The following PCDHA3 variants were observed in gnomAD, a reference collection of about 807,000 sequenced individuals.
The protein encoded by PCDHA3 is protocadherin alpha-3.
In PCDHA3, 41 loss-of-function variants were observed where a neutral mutation model predicts 62.2. The ratio of observed to expected loss-of-function variants is 0.66; its 90% CI spans 0.51 to 0.86. The LOEUF (loss-of-function observed/expected upper bound fraction) is 0.86. Ranked by LOEUF, PCDHA3 falls within the 40% of genes least tolerant of loss-of-function variation. The probability of loss-of-function intolerance (pLI) is 0.00; values close to 1 mark genes in which losing one functional copy is unlikely to be tolerated. For synonymous variants in PCDHA3, 640 were observed against 555.4 expected (o/e 1.15, Z -2.14); for missense variants, 1,304 against 1,241.2 (o/e 1.05, Z -0.76).
chr5:140,882,779 C>G (rs1554175579), intron 1 of PCDHA3: 2 of 1,614,168 alleles, frequency 1.2e-6, no homozygotes, highest in Non-Finnish European at 8.5e-7. Context: ...ATTGACCTAC[C>G]GACTGGATCC....
intron 3 of PCDHA3, among the ~76,000 whole-genome samples, chr5:141,000,680 T>C (rs953789526): frequency 1.3e-5 from 2 of 151,376 alleles, no homozygotes; most frequent in African/African-American, 2.4e-5. Flanking sequence ...CACCTGCCTC[T>C]GCCTCCCAAA....
At chr5:140,881,340 C>T (rs782406068) in intron 1 of PCDHA3, 10 of 984,934 alleles carry the variant, frequency 1.0e-5, no homozygotes, top group African/African-American at 5.2e-5. Context: ...GACGCCGATT[C>T]GGGCTACAAT....
chr5:140,876,062 G>C, intron 1 of PCDHA3: 1 of 1,613,842 alleles, frequency 6.2e-7, no homozygotes, highest in South Asian at 1.1e-5. Flanking sequence ...TTAGTTCTTC[G>C]GAAGTTATTG....
intron 1 of PCDHA3, among the ~76,000 whole-genome samples, chr5:140,957,708 T>TA (rs1330263414): frequency 6.6e-6 from 1 of 152,124 alleles, no homozygotes; most frequent in Non-Finnish European, 1.5e-5. Context: ...ATGTAGTTTT[T>TA]ATTAAGAAAG....
intron 1 of PCDHA3, among the ~76,000 whole-genome samples, chr5:140,947,889 A>G (rs1275614644): frequency 1.3e-5 from 2 of 151,626 alleles, no homozygotes; most frequent in Non-Finnish European, 3.0e-5. Flanking sequence ...CAATATAAAC[A>G]GAAGTGGTGA....
chr5:140,843,164 G>T, intron 1 of PCDHA3: 1 of 1,596,104 alleles, frequency 6.3e-7, no homozygotes. Flanking sequence ...GCAGCCAGCT[G>T]CAAGCAGCCC....
At chr5:140,976,688 G>T (rs1343503965) in intron 1 of PCDHA3, among the ~76,000 whole-genome samples, 2 of 152,118 alleles carry the variant, frequency 1.3e-5, no homozygotes, top group East Asian at 3.8e-4. Context: ...TGCAATTTAA[G>T]TACAATAATG....
At chr5:140,972,749 C>T (rs6899060) in intron 1 of PCDHA3, among the ~76,000 whole-genome samples, 3,772 of 151,356 alleles carry the variant, frequency 0.025, 151 homozygotes, top group African/African-American at 0.085. Flanking sequence ...CTGCAACCTC[C>T]GCCTCCCAAG....
chr5:140,847,059 G>A (rs1780837481), intron 1 of PCDHA3, among the ~76,000 whole-genome samples: 1 of 149,712 alleles, frequency 6.7e-6, no homozygotes, highest in East Asian at 1.9e-4. Context: ...GACACAGAAA[G>A]CATCAATATG....
intron 1 of PCDHA3, among the ~76,000 whole-genome samples, chr5:140,846,899 G>C (rs1467699891): frequency 6.7e-6 from 1 of 149,660 alleles, no homozygotes; most frequent in Admixed American, 6.7e-5. Context: ...CGTTGAAGTT[G>C]AAAGACAATC....
At chr5:140,826,837 T>C (rs1581838088) in intron 1 of PCDHA3, among the ~76,000 whole-genome samples, 1 of 152,182 alleles carries the variant, frequency 6.6e-6, no homozygotes, top group East Asian at 1.9e-4. Context: ...TAGAAGTTTC[T>C]CAAGTGTCTT....
rs183711966 is a variant in PCDHA3 at position 140,861,816 on chromosome 5, C to G, written c.2394+58225C>G. 643 of 159,770 alleles carry G rather than the reference C, an allele frequency of 4.0e-3. 2 individuals carry two copies. The highest frequency in any genetic ancestry group is 5.6e-3 in the Non-Finnish European group (413 of 73,346). 9.9% of individuals were successfully genotyped at this position (159,770 alleles called of 1,614,324 possible). A position where few individuals can be genotyped will look rare whatever the true frequency, so the allele number is the denominator to read the frequency against. On this transcript the variant is annotated intron_variant, in intron 1 of 3. Coordinates refer to ENST00000522353, the MANE Select transcript of PCDHA3 (RefSeq NM_018906.3). ...TGAAGGTGTATTTTAAAAATTCTTT[C>G]AGATAGGTAAGTCACTTCAGAGCTA...
At position 140,856,759 on chromosome 5, in the gene PCDHA3, C is replaced by A. The variant is rs148775418; in HGVS notation, c.2394+53168C>A. The stretch of plus-strand genomic sequence containing the variant: ...TCCTGGTGTTAGATGCCAATGATAA[C>A]GCCCCTATCTTTGACAGACCGGTTT... On this transcript the variant is annotated intron_variant, in intron 1 of 3. Transcript: ENST00000522353. 2.5e-6 allele frequency: 4 copies of A among 1,596,386 alleles called. 1 individual carries two copies. The highest frequency in any genetic ancestry group is 1.7e-4 in the Middle Eastern group (1 of 5,998).
In PCDHA3 at chr5:140,929,128, A is replaced by G. The variant is rs142487298; in HGVS notation, c.2395-49821A>G. On this transcript the variant is annotated intron_variant, in intron 1 of 3. Transcript: ENST00000522353. Reference sequence around the variant, plus strand: ...GACATCAGCCACCATAGATGTCACTACAGTTGAGAGACTTTCTCAGACTTA... The same window carrying G: ...GACATCAGCCACCATAGATGTCACTGCAGTTGAGAGACTTTCTCAGACTTA... The G allele has an allele frequency of 8.1e-6, 13 of 1,614,054 alleles. No individual in the cohort carries two copies. In the African/African-American group the frequency reaches 1.5e-4, roughly 18 times the overall value.
chr5:140,823,176 C>T (rs782525887), intron 1 of PCDHA3: 17 of 1,613,818 alleles, frequency 1.1e-5, no homozygotes, highest in Non-Finnish European at 1.4e-5. Context: ...AGGAGAACAA[C>T]CCGCCAGGCT....
intron 3 of PCDHA3, among the ~76,000 whole-genome samples, chr5:140,994,117 G>C (rs889813029): frequency 6.6e-6 from 1 of 152,198 alleles, no homozygotes; most frequent in Non-Finnish European, 1.5e-5. Flanking sequence ...ATTGTCATGT[G>C]ATAAGGGCGA....
chr5:140,869,384 A>G, intron 1 of PCDHA3: 1 of 1,614,120 alleles, frequency 6.2e-7, no homozygotes, highest in South Asian at 1.1e-5. Context: ...GACCGCGAGG[A>G]GCTGTGCGGG....
intron 1 of PCDHA3, chr5:140,841,532 C>T (rs2150317529): frequency 3.7e-6 from 6 of 1,613,694 alleles, no homozygotes; most frequent in Non-Finnish European, 5.1e-6. Context: ...GTCCAAAAGA[C>T]ACCGGGACCT....
At chr5:140,892,563 T>G (rs1554185281) in intron 1 of PCDHA3, among the ~76,000 whole-genome samples, 2 of 152,248 alleles carry the variant, frequency 1.3e-5, no homozygotes, top group Admixed American at 6.5e-5. Context: ...CCTTGGAGAC[T>G]GTCAAAAGTA....
Sources: allele counts gnomAD v4.1 joint callset (sites outside exome capture counted in the v4.1 genomes callset), GRCh38; gene constraint gnomAD v4.1.1; transcripts MANE v1.5; gene names NCBI Gene and HGNC (gene_info 2026-07-23, HGNC 2026-07-21).